Variants in TM9SF2 observed in about 807,000 individuals in gnomAD.
TM9SF2 encodes the protein transmembrane 9 superfamily member 2.
A neutral mutation model predicts 84.9 loss-of-function variants in TM9SF2; 13 were observed. The observed-to-expected ratio is 0.15, with a 90% CI of 0.10 to 0.24. TM9SF2 has a LOEUF of 0.24. Ranked by LOEUF, TM9SF2 falls within the 10% of genes least tolerant of loss-of-function variation. The pLI is 1.00. For synonymous variants in TM9SF2, 273 were observed against 285.8 expected (o/e 0.96, Z 0.45); for missense variants, 562 against 818.5 (o/e 0.69, Z 3.82).
At chr13:99,534,107 C>T (rs1333114066) in intron 4 of TM9SF2, among the ~76,000 whole-genome samples, 1 of 152,232 alleles carries the variant, frequency 6.6e-6, no homozygotes, top group Non-Finnish European at 1.5e-5. Context: ...AAACTCTCTT[C>T]AGCTGTGCTC....
At chr13:99,549,451 C>T (rs2046296816) in intron 12 of TM9SF2, among the ~76,000 whole-genome samples, 1 of 152,134 alleles carries the variant, frequency 6.6e-6, no homozygotes, top group African/African-American at 2.4e-5. Flanking sequence ...TTAATTCCTT[C>T]TCTTCAAAGT....
At chr13:99,504,833 A>G (rs1395201703) in intron 1 of TM9SF2, among the ~76,000 whole-genome samples, 1 of 152,078 alleles carries the variant, frequency 6.6e-6, no homozygotes, top group Non-Finnish European at 1.5e-5. Context: ...ATTGCTTTTT[A>G]TAGCCGATAC....
intron 16 of TM9SF2, among the ~76,000 whole-genome samples, chr13:99,560,932 C>CG (rs919394627): frequency 2.6e-5 from 4 of 152,024 alleles, no homozygotes; most frequent in African/African-American, 9.7e-5. Flanking sequence ...ATCTGCCCGC[C>CG]TTGGCCTCCC....
At chr13:99,517,564 GCT>G (rs1295123282) in intron 1 of TM9SF2, 48 bp from the exon 2 acceptor site, 21 of 1,250,148 alleles carry the variant, frequency 1.7e-5, no homozygotes, top group Non-Finnish European at 2.4e-5. Context: ...ATGACTTAAG[GCT>G]TTGTGTCCTG....
chr13:99,527,820 T>G lies in TM9SF2; in HGVS notation c.334-1647T>G, dbSNP rs374611354. ...GCATGCTAGGTGTTTTGCACACACG[T>G]TTCTGTATTTAATCCAACAACCCTG... On this transcript the variant is annotated intron_variant, in intron 3 of 16. Transcript: ENST00000376387. Among the ~76,000 whole-genome samples the G allele has an allele frequency of 3.0e-4, 45 of 152,332 alleles. 1 individual carries two copies. The East Asian group carries it at 7.9e-3, about 27-fold the overall frequency.
chr13:99,503,766 A>T (rs1257627194), intron 1 of TM9SF2, among the ~76,000 whole-genome samples: 1 of 152,008 alleles, frequency 6.6e-6, no homozygotes, highest in Non-Finnish European at 1.5e-5. Context: ...GGACTTAGAA[A>T]ATGAATAAGT....
intron 13 of TM9SF2, among the ~76,000 whole-genome samples, chr13:99,553,429 T>C (rs1377441163): frequency 6.6e-6 from 1 of 152,256 alleles, no homozygotes; most frequent in African/African-American, 2.4e-5. Context: ...TTAATTACAT[T>C]GATTAAACAA....
chr13:99,536,729 G>A lies in TM9SF2; in HGVS notation c.583G>A (p.Val195Ile). ...TDKGHAKDAC[V>I]ISSDFHERDT... ...TAAAGGCCATGCAAAAGATGCCTGT[G>A]TTATTAGTGTAAGTTCATGATAAAC... Residue 195 changes from valine to isoleucine, a missense_variant, in exon 5 of 17, where the codon GTT becomes ATT. Around this residue, in one of 4 missense-constraint regions of TM9SF2, gnomAD observed 267 missense variants for 316.7 expected, o/e 0.84. Transcript: ENST00000376387. The A allele has an allele frequency of 6.2e-7, 1 of 1,613,412 alleles. No homozygotes were observed.
At chr13:99,543,230 G>C (rs2046268349) in intron 9 of TM9SF2, among the ~76,000 whole-genome samples, 1 of 152,120 alleles carries the variant, frequency 6.6e-6, no homozygotes, top group African/African-American at 2.4e-5. Flanking sequence ...ATCCTGTCCT[G>C]CACACACCCA....
chr13:99,562,817 C>A lies in TM9SF2; in HGVS notation c.*59C>A. On this transcript the variant is annotated 3_prime_UTR_variant, in exon 17 of 17. Coordinates refer to ENST00000376387, the MANE Select transcript of TM9SF2 (RefSeq NM_004800.3). ...AATTAAACTCTTCATCAACAAAGAC[C>A]TGTTTTTGTGACTGCCTTGAGTTTT... 2 of 1,529,960 alleles carry A rather than the reference C, an allele frequency of 1.3e-6. No individual in the cohort carries two copies. The highest frequency in any genetic ancestry group is 1.8e-6 in the Non-Finnish European group (2 of 1,114,354). 94.8% of individuals were successfully genotyped at this position (1,529,960 alleles called of 1,614,324 possible). A position where few individuals can be genotyped will look rare whatever the true frequency, so the allele number is the denominator to read the frequency against.
intron 11 of TM9SF2, among the ~76,000 whole-genome samples, chr13:99,548,080 TAC>T (rs755978263): frequency 6.6e-6 from 1 of 152,196 alleles, no homozygotes; most frequent in Non-Finnish European, 1.5e-5. Context: ...GCATACAAAA[TAC>T]AGTCAGCCCT....
intron 1 of TM9SF2, among the ~76,000 whole-genome samples, chr13:99,517,121 A>G (rs1006132491): frequency 5.9e-5 from 9 of 152,046 alleles, no homozygotes; most frequent in Admixed American, 1.3e-4. Context: ...TTAATTATTT[A>G]AAAAAATTTT....
chr13:99,518,717 C>T (rs1173240612), intron 2 of TM9SF2, among the ~76,000 whole-genome samples: 1 of 151,882 alleles, frequency 6.6e-6, no homozygotes, highest in Non-Finnish European at 1.5e-5. Context: ...TCATCTCAGC[C>T]TCCTGAATAG....
At chr13:99,524,938 G>A (rs2046175720) in intron 3 of TM9SF2, among the ~76,000 whole-genome samples, 1 of 151,902 alleles carries the variant, frequency 6.6e-6, no homozygotes, top group African/African-American at 2.4e-5. Context: ...TGATGAGAAA[G>A]AAGGGTAACG....
At chr13:99,533,030 C>T (rs1312557567) in intron 4 of TM9SF2, among the ~76,000 whole-genome samples, 1 of 152,068 alleles carries the variant, frequency 6.6e-6, no homozygotes, top group African/African-American at 2.4e-5. Flanking sequence ...ATATTCTGTC[C>T]ATGACCTATT....
Position 99,547,069 on chromosome 13 carries a change from C to A in TM9SF2, c.1235C>A (p.Thr412Asn). 1.2e-6 allele frequency: 2 copies of A among 1,614,134 alleles called. No homozygotes were observed. Among genetic ancestry groups the A allele is most frequent in the East Asian group, 2.2e-5 (1 of 44,880 alleles). The change falls in exon 11 of 17, where the codon ACC becomes AAC. Residue 412 changes from threonine (T) to asparagine (N), a missense_variant. Coordinates refer to ENST00000376387, the MANE Select transcript of TM9SF2 (RefSeq NM_004800.3). ...CAVVLWVLLG[T>N]PAGYVAARFY... is the part of the protein sequence containing the mutation. ...GTGGTCCTGTGGGTGCTGCTGGGCA[C>A]CCCTGCAGGCTATGTTGCTGCCAGA...
intron 12 of TM9SF2, among the ~76,000 whole-genome samples, chr13:99,550,279 T>G (rs920126218): frequency 6.6e-6 from 1 of 152,178 alleles, no homozygotes; most frequent in African/African-American, 2.4e-5. Flanking sequence ...CAAAATGCCT[T>G]GAAAAAAATA....
chr13:99,548,527 T>G (rs1439282128), intron 11 of TM9SF2, among the ~76,000 whole-genome samples: 1 of 152,194 alleles, frequency 6.6e-6, no homozygotes, highest in Non-Finnish European at 1.5e-5. Context: ...AGACGTGTAC[T>G]TTCATTTTTC....
chr13:99,520,164 T>G (rs1413106178), intron 3 of TM9SF2, 35 bp downstream of exon 3: 1 of 1,548,786 alleles, frequency 6.5e-7, no homozygotes, highest in Admixed American at 1.9e-5. Context: ...ATTATTTACT[T>G]ACAGCTTTTG....
Sources: allele counts gnomAD v4.1 joint callset (sites outside exome capture counted in the v4.1 genomes callset), GRCh38; gene constraint gnomAD v4.1.1; regional missense constraint gnomAD v4.1.1; transcripts MANE v1.5; gene names NCBI Gene and HGNC (gene_info 2026-07-23, HGNC 2026-07-21).